The following CSMD1 variants were observed in gnomAD, a reference collection of about 807,000 sequenced individuals.
CSMD1 encodes the protein CUB and Sushi multiple domains 1.
A neutral mutation model predicts 417.5 loss-of-function variants in CSMD1; 213 were observed. The observed-to-expected ratio is 0.51, with a 90% CI of 0.46 to 0.57. The LOEUF is 0.57. CSMD1 is among the 20% of genes least tolerant of loss of function. The pLI, the probability that CSMD1 is intolerant of heterozygous loss-of-function variation, is 0.00. For missense variants in CSMD1, 6,923 were observed against 4,529.7 expected (o/e 1.53, Z -15.17); for synonymous variants, 2,862 against 1,736.8 (o/e 1.65, Z -16.11).
chr8:3,796,295 T>G lies in CSMD1; in HGVS notation c.819-42253A>C, dbSNP rs796452063. On this transcript the variant is annotated intron_variant, in intron 5 of 69. Transcript: ENST00000635120. ...TATATATCTATCATGTATAGATATA[T>G]CTATCATGTATAGATATAGATATCT... Among the ~76,000 whole-genome samples, 37 of 65,782 alleles carry G rather than the reference T, an allele frequency of 5.6e-4. 5 individuals carry two copies. The highest frequency in any genetic ancestry group is 1.1e-3 in the African/African-American group (16 of 14,242). 43.2% of individuals were successfully genotyped at this position (65,782 alleles called of 152,430 possible).
intron 23 of CSMD1, among the ~76,000 whole-genome samples, chr8:3,341,188 G>C (rs140327533): frequency 6.6e-6 from 1 of 152,058 alleles, no homozygotes; most frequent in Non-Finnish European, 1.5e-5. Flanking sequence ...AAGCCTTCTG[G>C]GTGAGGGAGG....
intron 5 of CSMD1, among the ~76,000 whole-genome samples, chr8:3,854,222 T>C (rs923406044): frequency 6.7e-6 from 1 of 149,768 alleles, no homozygotes; most frequent in African/African-American, 2.4e-5. Flanking sequence ...ACTTAAAACA[T>C]GTGAAACTTT....
At chr8:4,870,072 G>C (rs562850630) in intron 1 of CSMD1, among the ~76,000 whole-genome samples, 1 of 152,026 alleles carries the variant, frequency 6.6e-6, no homozygotes, top group African/African-American at 2.4e-5. Flanking sequence ...CAAGACTTTT[G>C]TGAATAAAAG....
chr8:3,857,107 T>C (rs1804365453), intron 5 of CSMD1, among the ~76,000 whole-genome samples: 2 of 152,184 alleles, frequency 1.3e-5, no homozygotes, highest in South Asian at 4.1e-4. Flanking sequence ...CACAGCTCTT[T>C]AGTCATAAAA....
At chr8:4,653,283 A>G (rs2130901319) in intron 1 of CSMD1, among the ~76,000 whole-genome samples, 1 of 152,274 alleles carries the variant, frequency 6.6e-6, no homozygotes, top group African/African-American at 2.4e-5. Context: ...ACTCCCAAGT[A>G]ACTGAATTAA....
chr8:4,835,641 T>C (rs1800432135), intron 1 of CSMD1, among the ~76,000 whole-genome samples: 1 of 152,184 alleles, frequency 6.6e-6, no homozygotes, highest in Admixed American at 6.5e-5. Context: ...GGTGATGAAA[T>C]GAAAGACATC....
chr8:3,898,115 A>G (rs2129131722), intron 5 of CSMD1, among the ~76,000 whole-genome samples: 1 of 152,310 alleles, frequency 6.6e-6, no homozygotes, highest in Admixed American at 6.5e-5. Flanking sequence ...ATTTCTCACC[A>G]TATAGCAGAG....
intron 37 of CSMD1, among the ~76,000 whole-genome samples, chr8:3,175,208 G>T (rs909446259): frequency 1.3e-5 from 2 of 152,116 alleles, no homozygotes; most frequent in African/African-American, 4.8e-5. Context: ...TACTAAAAAT[G>T]TAGAAACAAT....
chr8:3,762,496 T>C (rs774072740), intron 5 of CSMD1, among the ~76,000 whole-genome samples: 6 of 152,212 alleles, frequency 3.9e-5, no homozygotes, highest in African/African-American at 1.4e-4. Context: ...TTTGGTCAGA[T>C]AGGCTGAGGT....
At chr8:4,164,873 T>C (rs1356633420) in intron 3 of CSMD1, among the ~76,000 whole-genome samples, 9 of 93,624 alleles carry the variant, frequency 9.6e-5, no homozygotes, top group South Asian at 3.5e-4. Flanking sequence ...CAAGACTCCA[T>C]CTCAAAGAAA....
chr8:4,572,040 A>T (rs1798917978), intron 2 of CSMD1, among the ~76,000 whole-genome samples: 1 of 152,220 alleles, frequency 6.6e-6, no homozygotes, highest in Non-Finnish European at 1.5e-5. Flanking sequence ...TCCTGAATAC[A>T]GCACACCGAT....
intron 3 of CSMD1, among the ~76,000 whole-genome samples, chr8:4,070,441 T>G (rs1563083172): frequency 6.6e-6 from 1 of 152,106 alleles, no homozygotes; most frequent in East Asian, 1.9e-4. Context: ...CACTGCAAGC[T>G]CCGCCTCCCG....
intron 3 of CSMD1, among the ~76,000 whole-genome samples, chr8:4,070,941 G>T (rs1275363038): frequency 6.6e-6 from 1 of 152,146 alleles, no homozygotes; most frequent in Non-Finnish European, 1.5e-5. Context: ...TGGCCTCCAT[G>T]GTGTTTGATG....
chr8:4,183,107 G>T (rs1233157932), intron 3 of CSMD1, among the ~76,000 whole-genome samples: 2 of 152,122 alleles, frequency 1.3e-5, no homozygotes, highest in African/African-American at 2.4e-5. Context: ...TATATACAGA[G>T]ATCATCTTTA....
intron 11 of CSMD1, among the ~76,000 whole-genome samples, chr8:3,470,663 A>T (rs1036844971): frequency 6.6e-6 from 1 of 151,878 alleles, no homozygotes; most frequent in Non-Finnish European, 1.5e-5. Context: ...TTAAAATCAC[A>T]CTCATGCCCC....
At chr8:4,446,036 A>G (rs1326217945) in intron 2 of CSMD1, among the ~76,000 whole-genome samples, 1 of 152,152 alleles carries the variant, frequency 6.6e-6, no homozygotes, top group African/African-American at 2.4e-5. Context: ...TAGGAACTTG[A>G]CACAGCCCAA....
chr8:3,148,587 G>C (rs11780803), intron 40 of CSMD1, among the ~76,000 whole-genome samples: 1 of 152,164 alleles, frequency 6.6e-6, no homozygotes, highest in East Asian at 1.9e-4. Context: ...CAAGGGAGAA[G>C]ACGCAGAAAT....
intron 3 of CSMD1, among the ~76,000 whole-genome samples, chr8:4,133,331 G>A (rs978629966): frequency 6.6e-6 from 1 of 152,204 alleles, no homozygotes; most frequent in East Asian, 1.9e-4. Context: ...AATAATGATA[G>A]ACTTCTCAGC....
In CSMD1 at chr8:4,054,079, T is replaced by C. The variant is rs192418883; in HGVS notation, c.416-21980A>G. Among the ~76,000 whole-genome samples the C allele has an allele frequency of 6.2e-4, 94 of 152,274 alleles. 1 individual carries two copies. The East Asian group carries it at 0.015, about 24-fold the overall frequency. ...CAAATGCTACTCCTATCTCTCTCTG[T>C]CGCAGTTCACTACACCAGCTGCTAA... On this transcript the variant is annotated intron_variant, in intron 3 of 69. Transcript: ENST00000635120.
Sources: gnomAD v4.1 joint callset for allele counts (sites outside exome capture counted in the v4.1 genomes callset) on GRCh38, gnomAD v4.1.1 for gene constraint, MANE v1.5 for transcripts, NCBI Gene and HGNC (gene_info 2026-07-23, HGNC 2026-07-21) for gene names.